Variants in NKAIN3 observed in about 807,000 individuals in gnomAD.
NKAIN3 encodes the protein sodium/potassium-transporting ATPase subunit beta-1-interacting protein 3.
Under a neutral mutation model 30.2 loss-of-function variants are expected in NKAIN3, and 25 were observed. That is an observed-to-expected ratio of 0.83 (90% CI 0.60 to 1.16). The LOEUF (loss-of-function observed/expected upper bound fraction) is 1.16. Among genes scored for constraint, NKAIN3 ranks in the 50% most tolerant of loss-of-function variants. The pLI is 0.00. For synonymous variants in NKAIN3, 91 were observed against 89.6 expected (o/e 1.02, Z -0.09); for missense variants, 225 against 254.1 (o/e 0.89, Z 0.78).
At chr8:62,259,035 A>T (rs1431297990) in intron 1 of NKAIN3, among the ~76,000 whole-genome samples, 1 of 152,150 alleles carries the variant, frequency 6.6e-6, no homozygotes, top group East Asian at 1.9e-4. Flanking sequence ...CATGAAGGGT[A>T]TGGTGGGCAT....
intron 4 of NKAIN3, among the ~76,000 whole-genome samples, chr8:62,791,402 C>G (rs1423342523): frequency 6.6e-6 from 1 of 152,054 alleles, no homozygotes; most frequent in Non-Finnish European, 1.5e-5. Flanking sequence ...AATTGAGAAC[C>G]AGTGAAAATT....
intron 6 of NKAIN3, among the ~76,000 whole-genome samples, chr8:62,963,307 C>T (rs1374279796): frequency 6.6e-6 from 1 of 152,158 alleles, no homozygotes; most frequent in African/African-American, 2.4e-5. Context: ...CAAAAACTCC[C>T]CACAGACATG....
intron 3 of NKAIN3, among the ~76,000 whole-genome samples, chr8:62,634,197 A>G (rs916248899): frequency 2.0e-5 from 3 of 151,922 alleles, no homozygotes; most frequent in African/African-American, 7.3e-5. Flanking sequence ...GGAAACCAAC[A>G]ATCAGGCCTC....
At chr8:62,575,799 G>T (rs796628380) in intron 1 of NKAIN3, among the ~76,000 whole-genome samples, 1 of 152,106 alleles carries the variant, frequency 6.6e-6, no homozygotes, top group South Asian at 2.1e-4. Flanking sequence ...AGAGAATCCA[G>T]AAATAAACTT....
intron 4 of NKAIN3, among the ~76,000 whole-genome samples, chr8:62,883,025 A>T (rs1029303231): frequency 6.6e-6 from 1 of 152,156 alleles, no homozygotes; most frequent in East Asian, 1.9e-4. Context: ...TCTTCTTTAC[A>T]TAGTGTTGGC....
At chr8:62,668,396 G>T (rs1813198008) in intron 3 of NKAIN3, among the ~76,000 whole-genome samples, 1 of 152,138 alleles carries the variant, frequency 6.6e-6, no homozygotes, top group Admixed American at 6.6e-5. Context: ...CTGATAAAAG[G>T]AACAATGGAA....
chr8:62,506,618 G>A (rs990514448), intron 1 of NKAIN3, among the ~76,000 whole-genome samples: 6 of 151,594 alleles, frequency 4.0e-5, no homozygotes, highest in African/African-American at 1.5e-4. Context: ...GGGACTACAG[G>A]CACATACCAC....
At chr8:62,664,100 A>G (rs956947667) in intron 3 of NKAIN3, among the ~76,000 whole-genome samples, 1 of 151,916 alleles carries the variant, frequency 6.6e-6, no homozygotes, top group Non-Finnish European at 1.5e-5. Context: ...CAACACCTCT[A>G]TTTCCTGGTA....
intron 4 of NKAIN3, among the ~76,000 whole-genome samples, chr8:62,755,248 T>C (rs960655525): frequency 6.6e-6 from 1 of 152,194 alleles, no homozygotes; most frequent in Non-Finnish European, 1.5e-5. Context: ...CCTGGTCATG[T>C]GAGAAAAGAG....
At chr8:62,815,520 C>T (rs1818646221) in intron 4 of NKAIN3, among the ~76,000 whole-genome samples, 1 of 152,130 alleles carries the variant, frequency 6.6e-6, no homozygotes, top group Non-Finnish European at 1.5e-5. Flanking sequence ...AGCTTATCCA[C>T]CATGATCAAG....
chr8:62,502,371 A>T (rs1807481915), intron 1 of NKAIN3, among the ~76,000 whole-genome samples: 1 of 152,140 alleles, frequency 6.6e-6, no homozygotes, highest in African/African-American at 2.4e-5. Context: ...ACTAATTGAC[A>T]TGATGCTGCT....
At chr8:62,324,788 C>T (rs192655182) in intron 1 of NKAIN3, among the ~76,000 whole-genome samples, 79 of 152,142 alleles carry the variant, frequency 5.2e-4, no homozygotes, top group African/African-American at 1.9e-3. Flanking sequence ...TCACAGTATC[C>T]TACCCGTGAG....
chr8:62,959,905 G>A (rs529609484), intron 6 of NKAIN3, among the ~76,000 whole-genome samples: 4 of 152,150 alleles, frequency 2.6e-5, no homozygotes, highest in Non-Finnish European at 5.9e-5. Context: ...AGGAGAGATG[G>A]GCTTCCTTGT....
At chr8:62,304,309 A>C (rs1775220566) in intron 1 of NKAIN3, among the ~76,000 whole-genome samples, 1 of 150,334 alleles carries the variant, frequency 6.7e-6, no homozygotes, top group African/African-American at 2.5e-5. Context: ...TGGAGCTCCA[A>C]TTCACTTCTT....
intron 1 of NKAIN3, among the ~76,000 whole-genome samples, chr8:62,330,417 AG>A (rs1815303477): frequency 6.6e-6 from 1 of 152,044 alleles, no homozygotes; most frequent in South Asian, 2.1e-4. Context: ...GGGTAGTGGC[AG>A]TAGGAAAGAG....
chr8:62,950,968 T>C (rs1259546457), intron 5 of NKAIN3, among the ~76,000 whole-genome samples: 13 of 148,576 alleles, frequency 8.7e-5, no homozygotes, highest in African/African-American at 2.8e-4. Context: ...TTTTTTTTTT[T>C]TAGAATTCTC....
chr8:62,433,304 G>A lies in NKAIN3; in HGVS notation c.55-146235G>A, dbSNP rs73684998. 5.5e-3 allele frequency among the ~76,000 whole-genome samples: 832 copies of A among 151,994 alleles called. 6 individuals are homozygous for A. Among genetic ancestry groups the A allele is most frequent in the African/African-American group, 0.019 (782 of 41,462 alleles). ...TATTATCAATCTTGTGGTGGTAGGTGGGGAACAAAAATGATCAGCTCACAG... is the reference window on the plus strand; with the variant it reads ...TATTATCAATCTTGTGGTGGTAGGTAGGGAACAAAAATGATCAGCTCACAG... On this transcript the variant is annotated intron_variant, in intron 1 of 6. Coordinates refer to ENST00000623646, the MANE Select transcript of NKAIN3 (RefSeq NM_001304533.3).
At chr8:62,845,333 C>T (rs1376047477) in intron 4 of NKAIN3, among the ~76,000 whole-genome samples, 1 of 94,650 alleles carries the variant, frequency 1.1e-5, no homozygotes, top group Non-Finnish European at 2.2e-5. Flanking sequence ...AGAGTTGGCT[C>T]CTTGCCTTGT....
rs1053381047 is a variant in NKAIN3 at position 62,937,463 on chromosome 8, A to G, written c.533-16439A>G. 3.3e-5 allele frequency among the ~76,000 whole-genome samples: 5 copies of G among 152,082 alleles called. No homozygotes were observed. In the South Asian group the frequency reaches 8.3e-4, roughly 25 times the overall value. ...TTTAACCTTACCTAGAGCTGAAATG[A>G]ATTTAGAGAGCTGAGTGAAATATAA... On this transcript the variant is annotated intron_variant, in intron 5 of 6. Transcript: ENST00000623646.
Sources: allele counts gnomAD v4.1 joint callset (sites outside exome capture counted in the v4.1 genomes callset), GRCh38; gene constraint gnomAD v4.1.1; transcripts MANE v1.5; gene names NCBI Gene and HGNC (gene_info 2026-07-23, HGNC 2026-07-21).